NTRK1: variants seen among roughly 807,000 people sequenced by gnomAD.
NTRK1 encodes neurotrophic receptor tyrosine kinase 1.
A neutral mutation model predicts 86.8 loss-of-function variants in NTRK1; 62 were observed. The ratio of observed to expected loss-of-function variants is 0.71; its 90% CI spans 0.58 to 0.88. NTRK1 has a LOEUF of 0.88. NTRK1 is among the 40% of genes least tolerant of loss of function. NTRK1 has a pLI of 0.00. For synonymous variants in NTRK1, 469 were observed against 456.6 expected (o/e 1.03, Z -0.35); for missense variants, 967 against 1,078.4 (o/e 0.90, Z 1.45).
At chr1:156,846,844 A>G (rs1655033363) in intron 2 of NTRK1, 1 of 1,109,166 alleles carries the variant, frequency 9.0e-7, no homozygotes, top group Non-Finnish European at 1.4e-6. Context: ...CAGGACTGTC[A>G]TTGTCCTTCC....
At chr1:156,856,158 GA>G (rs1207662007), upstream of NTRK1, among the ~76,000 whole-genome samples, 1 of 152,024 alleles carries the variant, frequency 6.6e-6, no homozygotes, top group Non-Finnish European at 1.5e-5. Context: ...TATTAACATA[GA>G]TATTTATTTA....
chr1:156,859,020 C>T (rs1280148888), upstream of NTRK1: 2 of 189,536 alleles, frequency 1.1e-5, no homozygotes, highest in Non-Finnish European at 2.2e-5. This position sits in a 1 kb window ranked among gnomAD's most constrained non-coding sequence, Gnocchi z 6.2. Flanking sequence ...CAGCGGGGGT[C>T]CCGGGGCGCG....
intron 15 of NTRK1, 30 bp downstream of exon 15, chr1:156,879,392 C>T (rs752960154): frequency 1.9e-6 from 3 of 1,582,364 alleles, no homozygotes; most frequent in Non-Finnish European, 2.6e-6. Context: ...AACGCCTTCC[C>T]CTGCATCCAA....
chr1:156,879,378 C>G lies in NTRK1; in HGVS notation c.2046+16C>G, dbSNP rs2102925407. ...CTATTACCGTGTAAGGGTCCTTTGT[C>G]CCCAACGCCTTCCCCTGCATCCAAA... On this transcript the variant is annotated intron_variant, in intron 15 of 16. Transcript: ENST00000524377. 6.3e-7 allele frequency: 1 copy of G among 1,589,444 alleles called. No individual in the cohort carries two copies. Among genetic ancestry groups the G allele is most frequent in the Non-Finnish European group, 8.5e-7 (1 of 1,170,634 alleles).
chr1:156,819,196 T>G (rs540819857), intron 1 of NTRK1, among the ~76,000 whole-genome samples: 1 of 152,212 alleles, frequency 6.6e-6, no homozygotes, highest in South Asian at 2.1e-4. Flanking sequence ...TAGAAAATAA[T>G]GGGGTTTCAC....
At chr1:156,822,312 A>G (rs1571639156) in intron 1 of NTRK1, among the ~76,000 whole-genome samples, 2 of 152,242 alleles carry the variant, frequency 1.3e-5, no homozygotes, top group African/African-American at 4.8e-5. Context: ...CCCCTTCAAG[A>G]TGGTAGTCAA....
At chr1:156,846,119 G>A (rs1425695953) in intron 2 of NTRK1, 3 of 1,589,322 alleles carry the variant, frequency 1.9e-6, no homozygotes, top group Non-Finnish European at 2.6e-6. Flanking sequence ...CACCGTGGGA[G>A]CTAGGAGTGC....
At chr1:156,861,237 G>T in intron 1 of NTRK1, 91 bp downstream of exon 1, 1 of 1,424,354 alleles carries the variant, frequency 7.0e-7, no homozygotes, top group Non-Finnish European at 9.5e-7. Context: ...TTGCTGGTCA[G>T]GCAGGACGAG....
rs751860063 is a variant in NTRK1 at position 156,845,731 on chromosome 1, A to G, written c.50+3538A>G. 26 of 1,613,518 alleles carry G rather than the reference A, an allele frequency of 1.6e-5. No homozygotes were observed. In the East Asian group the frequency reaches 2.0e-4, roughly 12 times the overall value. On this transcript the variant is annotated intron_variant, in intron 2 of 16. Transcript: ENST00000392302. Reference sequence around the variant, plus strand: ...CCAGGAGGTGGGTGCTGGCAAGGGCAGCAGTCGGACTCCATCTCGGCCTCA... The same window carrying G: ...CCAGGAGGTGGGTGCTGGCAAGGGCGGCAGTCGGACTCCATCTCGGCCTCA...
intron 1 of NTRK1, among the ~76,000 whole-genome samples, chr1:156,838,303 A>T (rs965601508): frequency 1.3e-5 from 2 of 151,232 alleles, no homozygotes; most frequent in African/African-American, 4.9e-5. Flanking sequence ...GGCCACAGGG[A>T]CAGTTTTGAG....
rs1293802355 is a variant in NTRK1, at chr1:156,867,066, T to A, written c.428+88T>A. On this transcript the variant is annotated intron_variant, in intron 4 of 16. Transcript: ENST00000524377. ...TCTGTTGGATGACATTGGGTCACTGTGTCTGTGTGACACTGCTGGGGGGTC... is the reference window on the plus strand; with the variant it reads ...TCTGTTGGATGACATTGGGTCACTGAGTCTGTGTGACACTGCTGGGGGGTC... 31 of 1,351,854 alleles carry A rather than the reference T, an allele frequency of 2.3e-5. 1 individual carries two copies. The highest frequency in any genetic ancestry group is 4.7e-5 in the South Asian group (4 of 85,674). 83.7% of individuals were successfully genotyped at this position (1,351,854 alleles called of 1,614,324 possible). A position where few individuals can be genotyped will look rare whatever the true frequency, so the allele number is the denominator to read the frequency against.
rs1570912647 is a variant in NTRK1, at chr1:156,881,653, C to G, written c.*11C>G. On this transcript the variant is annotated 3_prime_UTR_variant, in exon 17 of 17. Transcript: ENST00000524377. ...GATGTCCTGGGCTAGGGGGCCGGCC[C>G]AGGGGCTGGGAGTGGTTAGCCGGAA... 1 of 1,597,982 alleles carries G rather than the reference C, an allele frequency of 6.3e-7. No homozygotes were observed. The highest frequency in any genetic ancestry group is 2.3e-5 in the East Asian group (1 of 44,326).
chr1:156,847,682 C>T (rs1222596549), intron 2 of NTRK1, among the ~76,000 whole-genome samples: 2 of 151,676 alleles, frequency 1.3e-5, no homozygotes, highest in Non-Finnish European at 2.9e-5. Flanking sequence ...GGGGTGGGGG[C>T]TCATAGTGGG....
At chr1:156,878,529 G>A (rs1334920308) in intron 14 of NTRK1, among the ~76,000 whole-genome samples, 2 of 152,180 alleles carry the variant, frequency 1.3e-5, no homozygotes, top group African/African-American at 4.8e-5. Context: ...GGCATTTTTG[G>A]CAAAGTGATC....
At position 156,842,411 on chromosome 1, in the gene NTRK1, C is replaced by T. The variant is rs779010804; in HGVS notation, c.50+218C>T. 3.8e-5 allele frequency: 62 copies of T among 1,613,900 alleles called. No homozygotes were observed. In the South Asian group the frequency reaches 4.3e-4, roughly 11 times the overall value. ...CCTGGTCCCTACCTCTGCCTCAGGC[C>T]GCAAAGATCGAAGATGGCTCTTGAG... On this transcript the variant is annotated intron_variant, in intron 2 of 16. Transcript: ENST00000392302.
chr1:156,867,966 T>C, intron 4 of NTRK1, 138 bp from the exon 5 acceptor site: 2 of 946,856 alleles, frequency 2.1e-6, no homozygotes, highest in Non-Finnish European at 3.4e-6. Flanking sequence ...ATCCTGTTAC[T>C]GGAGTCAGAG....
intron 1 of NTRK1, among the ~76,000 whole-genome samples, chr1:156,828,035 AC>A: frequency 6.6e-6 from 1 of 152,058 alleles, no homozygotes; most frequent in Non-Finnish European, 1.5e-5. Context: ...CTGGTCTCAA[AC>A]TCCTGGGCTG....
intron 1 of NTRK1, chr1:156,840,646 G>A (rs1030531116): frequency 3.4e-6 from 2 of 585,818 alleles, no homozygotes; most frequent in Admixed American, 6.0e-5. Flanking sequence ...TACTCCTCTG[G>A]CTTTGACCCT....
chr1:156,832,344 TA>T (rs1004933009), intron 1 of NTRK1, among the ~76,000 whole-genome samples: 12 of 152,170 alleles, frequency 7.9e-5, no homozygotes, highest in African/African-American at 2.9e-4. Flanking sequence ...GAAAGATACA[TA>T]GGCAAACAAT....
Sources: gnomAD v4.1 joint callset for allele counts (sites outside exome capture counted in the v4.1 genomes callset) on GRCh38, gnomAD v4.1.1 for gene constraint, Gnocchi (gnomAD v3.1) non-coding constraint, MANE v1.5 for transcripts, NCBI Gene and HGNC (gene_info 2026-07-23, HGNC 2026-07-21) for gene names.